OTOA: variants seen among roughly 807,000 people sequenced by gnomAD.
OTOA encodes the protein otoancorin.
A neutral mutation model predicts 110.8 loss-of-function variants in OTOA; 70 were observed. The observed-to-expected ratio is 0.63, with a 90% CI of 0.52 to 0.77. The LOEUF is 0.77. OTOA is among the 30% of genes least tolerant of loss of function. OTOA has a pLI of 0.00. For missense variants in OTOA, 917 were observed against 1,075.8 expected (o/e 0.85, Z 2.06); for synonymous variants, 373 against 431.5 (o/e 0.86, Z 1.68).
chr16:21,686,718 A>G (rs1460330960), intron 7 of OTOA, among the ~76,000 whole-genome samples: 1 of 152,046 alleles, frequency 6.6e-6, no homozygotes, highest in Non-Finnish European at 1.5e-5. Context: ...CCTGGACAAC[A>G]TGGCAAAACT....
At chr16:21,722,073 C>A (rs72782896) in intron 17 of OTOA, among the ~76,000 whole-genome samples, 33,261 of 142,236 alleles carry the variant, frequency 0.23, 3,952 homozygotes, top group Middle Eastern at 0.25. Flanking sequence ...AAAAAAAAAA[C>A]CCCAAAAAAA....
In OTOA at chr16:21,719,364, G is replaced by A. The variant is rs200631288; in HGVS notation, c.1689-23G>A. The A allele has an allele frequency of 1.4e-5, 22 of 1,608,312 alleles. No individual in the cohort carries two copies. In the African/African-American group the frequency reaches 1.6e-4, roughly 12 times the overall value. On this transcript the variant is annotated intron_variant, in intron 16 of 28. Transcript: ENST00000646100. Reference sequence around the variant, plus strand: ...CTCCTCCTCACTTCCTTCCTCTCCCGAGTGCCTTGTTTTGTTTTCTAGTGC... The same window carrying A: ...CTCCTCCTCACTTCCTTCCTCTCCCAAGTGCCTTGTTTTGTTTTCTAGTGC...
At chr16:21,704,620 C>T (rs940940721) in intron 11 of OTOA, among the ~76,000 whole-genome samples, 1 of 152,110 alleles carries the variant, frequency 6.6e-6, no homozygotes, top group African/African-American at 2.4e-5. Flanking sequence ...GAGGGGGTGT[C>T]GTGTCCACCA....
At chr16:21,729,097 A>T (rs1489153505) in intron 20 of OTOA, among the ~76,000 whole-genome samples, 1 of 151,986 alleles carries the variant, frequency 6.6e-6, no homozygotes, top group Non-Finnish European at 1.5e-5. Flanking sequence ...GCTGTGGCAC[A>T]GTAATGGCTC....
In OTOA at chr16:21,716,989, G is replaced by A; in HGVS notation, c.1571G>A (p.Arg524Lys). 2 of 1,614,096 alleles carry A rather than the reference G, an allele frequency of 1.2e-6. No individual in the cohort carries two copies. Among genetic ancestry groups the A allele is most frequent in the South Asian group, 2.2e-5 (2 of 91,086 alleles). The change falls in exon 15 of 29, where the codon AGG becomes AAG. Residue 524 changes from arginine (R) to lysine (K), a missense_variant. Physicochemically the swap from Arg to Lys is conservative, Grantham distance 26. This residue lies in a region of OTOA where 840 missense variants were observed against 910.2 expected (regional missense o/e 0.92). Coordinates refer to ENST00000646100, the MANE Select transcript of OTOA (RefSeq NM_144672.4). The stretch of plus-strand genomic sequence containing the variant: ...AAGGAAGTGTCTCTCTTTGATTTAA[G>A]GAGGCAACCTGGATTCAACTCTACA... ...FFKEVSLFDL[R>K]RQPGFNSTVL... is the part of the protein sequence containing the mutation.
At chr16:21,677,275 T>C (rs1487329662) in intron 1 of OTOA, among the ~76,000 whole-genome samples, 2 of 152,134 alleles carry the variant, frequency 1.3e-5, no homozygotes, top group Non-Finnish European at 2.9e-5. Flanking sequence ...AAACAGTTTT[T>C]CCAAGCAGCT....
chr16:21,715,109 T>G lies in OTOA; in HGVS notation c.1445T>G (p.Val482Gly), dbSNP rs764245507. Residue 482 changes from valine to glycine, a missense_variant, in exon 14 of 29, where the codon GTA (valine) becomes GGA (glycine). Around this residue, in one of 6 missense-constraint regions of OTOA, gnomAD observed 840 missense variants for 910.2 expected, o/e 0.92. Transcript: ENST00000646100. ...CTGAGAAGTGCCGTCTCCCAGTATG[T>G]ATCCGACTTGTCACCTGCCCAGCAG... Reference protein sequence around the residue: ...QVLRSAVSQYVSDLSPAQQQG... With the variant: ...QVLRSAVSQYGSDLSPAQQQG... 1 of 1,614,208 alleles carries G rather than the reference T, an allele frequency of 6.2e-7. No individual in the cohort carries two copies. Among genetic ancestry groups the G allele is most frequent in the Admixed American group, 1.7e-5 (1 of 60,030 alleles).
intron 17 of OTOA, among the ~76,000 whole-genome samples, chr16:21,720,249 C>T (rs1158609375): frequency 6.6e-6 from 1 of 152,190 alleles, no homozygotes; most frequent in African/African-American, 2.4e-5. Flanking sequence ...AGCCACTTCA[C>T]CCAGCCAGTG....
chr16:21,723,802 C>T (rs1298920769), intron 18 of OTOA, among the ~76,000 whole-genome samples: 1 of 152,104 alleles, frequency 6.6e-6, no homozygotes, highest in East Asian at 1.9e-4. Context: ...TCTGTGGGAA[C>T]CCTGGAAGAT....
chr16:21,667,092 A>C (rs1393820488), intron 1 of OTOA, among the ~76,000 whole-genome samples: 1 of 152,180 alleles, frequency 6.6e-6, no homozygotes, highest in Non-Finnish European at 1.5e-5. Context: ...CAAACCAGGA[A>C]GACTTCTAAT....
intron 20 of OTOA, chr16:21,729,513 C>A (rs981853973): frequency 5.9e-5 from 9 of 152,160 alleles, no homozygotes; most frequent in Non-Finnish European, 1.2e-4. Context: ...ATTGGATTCT[C>A]ATTATCATCC....
intron 13 of OTOA, among the ~76,000 whole-genome samples, chr16:21,714,440 CT>C (rs1302327529): frequency 2.5e-5 from 3 of 120,492 alleles, no homozygotes; most frequent in Non-Finnish European, 5.1e-5. Context: ...TTCTCTCTTT[CT>C]TTCTTTCTCT....
At chr16:21,749,901 T>C (rs1456189142) in intron 24 of OTOA, among the ~76,000 whole-genome samples, 4 of 143,682 alleles carry the variant, frequency 2.8e-5, no homozygotes, top group African/African-American at 1.0e-4. Context: ...GCCAGGCTGG[T>C]CTCAAACTCC....
At chr16:21,683,488 T>G (rs531706338) in intron 6 of OTOA, among the ~76,000 whole-genome samples, 2 of 151,788 alleles carry the variant, frequency 1.3e-5, no homozygotes, top group South Asian at 4.2e-4. Flanking sequence ...ATACCAGGAG[T>G]TGGAGACAAG....
At chr16:21,757,842 T>C (rs546368699) in intron 28 of OTOA, among the ~76,000 whole-genome samples, 1 of 152,200 alleles carries the variant, frequency 6.6e-6, no homozygotes, top group African/African-American at 2.4e-5. Flanking sequence ...GGTCTTGAAC[T>C]CCTGACCTCA....
At chr16:21,681,434 T>C (rs1390997510) in intron 5 of OTOA, among the ~76,000 whole-genome samples, 1 of 152,022 alleles carries the variant, frequency 6.6e-6, no homozygotes, top group Non-Finnish European at 1.5e-5. Flanking sequence ...CTACAAAAAA[T>C]TAGCTGGGTG....
At chr16:21,679,497 G>A (rs577081113) in intron 5 of OTOA, among the ~76,000 whole-genome samples, 4 of 152,040 alleles carry the variant, frequency 2.6e-5, no homozygotes, top group African/African-American at 9.6e-5. Flanking sequence ...CTCTGCCTCC[G>A]GGGTTCAAGC....
rs1230227187 is a variant in OTOA at position 21,674,782 on chromosome 16, C to CTGCACATA, written c.-4-3727_-4-3720dup. On this transcript the variant is annotated intron_variant, in intron 1 of 28. Transcript: ENST00000646100. ...CTGTATATATACTTTGATGATATAT[C>CTGCACATA]TGCACATATCTTCTGCTCGTTTTCT... is the stretch of plus-strand genomic sequence containing the variant. Among the ~76,000 whole-genome samples the CTGCACATA allele has an allele frequency of 2.0e-4, 30 of 150,014 alleles. No homozygotes were observed. The East Asian group carries it at 5.3e-3, about 26-fold the overall frequency.
chr16:21,708,082 C>T lies in OTOA; in HGVS notation c.1105-1806C>T, dbSNP rs75344862. Among the ~76,000 whole-genome samples, 1,154 of 152,082 alleles carry T rather than the reference C, an allele frequency of 7.6e-3. 33 individuals are homozygous for T. The highest frequency in any genetic ancestry group is 0.047 in the East Asian group (241 of 5,146). ...CTGGGACTACAGGCGTGAGCCACCA[C>T]GCCCGGTCTGTGCACTTTATTTCTA... On this transcript the variant is annotated intron_variant, in intron 12 of 28. Coordinates refer to ENST00000646100, the MANE Select transcript of OTOA (RefSeq NM_144672.4).
Sources: gnomAD v4.1 joint callset for allele counts (sites outside exome capture counted in the v4.1 genomes callset) on GRCh38, gnomAD v4.1.1 for gene constraint, gnomAD v4.1.1 regional missense constraint, MANE v1.5 for transcripts, NCBI Gene and HGNC (gene_info 2026-07-23, HGNC 2026-07-21) for gene names.